NEB: variants seen among roughly 807,000 people sequenced by gnomAD.
NEB encodes the protein nebulin, also known as nemaline myopathy type 2.
NEB carries 512 observed loss-of-function variants against 952.2 expected under a neutral mutation model. The ratio of observed to expected loss-of-function variants is 0.54; its 90% CI spans 0.50 to 0.58. The LOEUF is 0.58. Ranked by LOEUF, NEB falls within the 20% of genes least tolerant of loss-of-function variation. The probability of loss-of-function intolerance (pLI) is 0.00; values close to 1 mark genes in which losing one functional copy is unlikely to be tolerated. For missense variants in NEB, 8,428 were observed against 9,231.1 expected, an observed-to-expected ratio of 0.91 and a Z score of 3.56; for synonymous variants, 2,900 against 3,149.8, an observed-to-expected ratio of 0.92 and a Z score of 2.66.
intron 9 of NEB, among the ~76,000 whole-genome samples, chr2:151,720,137 G>C (rs181338522): frequency 6.7e-6 from 1 of 149,686 alleles, no homozygotes; most frequent in Non-Finnish European, 1.5e-5. Flanking sequence ...TTTTAAAAAA[G>C]TAAAAAAAAA....
At chr2:151,674,897 C>G (rs940315078) in intron 35 of NEB, among the ~76,000 whole-genome samples, 4 of 152,184 alleles carry the variant, frequency 2.6e-5, no homozygotes, top group Admixed American at 1.3e-4. Context: ...GTTGTTCATT[C>G]TCATGAAAGG....
intron 70 of NEB, among the ~76,000 whole-genome samples, chr2:151,626,398 G>T (rs1160363698): frequency 1.3e-5 from 2 of 152,178 alleles, no homozygotes; most frequent in Non-Finnish European, 2.9e-5. Flanking sequence ...TTACAGGTGT[G>T]AGACACCATG....
At chr2:151,513,815 C>A in intron 159 of NEB, 122 bp from the exon 160 acceptor site, 1 of 702,426 alleles carries the variant, frequency 1.4e-6, no homozygotes, top group Admixed American at 2.4e-5. Flanking sequence ...GTGTCGCTTG[C>A]TACTCTTCAC....
At chr2:151,618,128 CTAAG>C (rs1447852471) in intron 74 of NEB, 143 bp downstream of exon 74, 1 of 724,360 alleles carries the variant, frequency 1.4e-6, no homozygotes, top group Non-Finnish European at 2.3e-6. Flanking sequence ...TGAAGTATCA[CTAAG>C]TAACTATGGT....
At position 151,682,661 on chromosome 2, in the gene NEB, C is replaced by T. The variant is rs113091511; in HGVS notation, c.2943+1G>A. The T allele has an allele frequency of 1.4e-5, 22 of 1,609,186 alleles. No homozygotes were observed. The highest frequency in any genetic ancestry group is 2.7e-5 in the African/African-American group (2 of 74,806). ...CCCTCTGACACACCCAGTGGCTTTA[C>T]CTCATTGAGGATGTCTGAAGCTCGC... On this transcript the variant is annotated splice_donor_variant, in intron 29 of 181. Transcript: ENST00000397345. LOFTEE classifies it high-confidence loss of function.
intron 169 of NEB, 33 bp downstream of exon 169, chr2:151,499,265 A>AAAT: frequency 9.0e-7 from 1 of 1,117,130 alleles, no homozygotes; most frequent in Non-Finnish European, 1.3e-6. Context: ...ACATTTTTTT[A>AAAT]AATAATTAAA....
intron 153 of NEB, among the ~76,000 whole-genome samples, chr2:151,521,389 G>C (rs1244739543): frequency 6.6e-6 from 1 of 152,126 alleles, no homozygotes; most frequent in Non-Finnish European, 1.5e-5. Flanking sequence ...GCTCTTCTCT[G>C]AAAAAGTTTC....
intron 142 of NEB, chr2:151,534,161 G>A (rs906101079): frequency 7.0e-6 from 9 of 1,291,672 alleles, no homozygotes; most frequent in African/African-American, 1.5e-5. Context: ...GACATCTCAT[G>A]AGAAACTGGG....
intron 60 of NEB, among the ~76,000 whole-genome samples, chr2:151,641,642 T>C (rs2098849450): frequency 6.6e-6 from 1 of 152,210 alleles, no homozygotes; most frequent in Non-Finnish European, 1.5e-5. Flanking sequence ...ATACACATGA[T>C]TTTTAATGAC....
chr2:151,644,227 A>C, intron 56 of NEB, 98 bp from the exon 57 acceptor site: 2 of 1,462,078 alleles, frequency 1.4e-6, no homozygotes, highest in Non-Finnish European at 1.9e-6. Flanking sequence ...TATTTTACTA[A>C]GCCTAGAGAG....
At chr2:151,666,844 G>T (rs1174112136) in intron 40 of NEB, among the ~76,000 whole-genome samples, 3 of 152,000 alleles carry the variant, frequency 2.0e-5, no homozygotes, top group Non-Finnish European at 4.4e-5. Flanking sequence ...TTAGACGTGT[G>T]AGCCACCATG....
chr2:151,684,083 CT>C (rs2099461824), intron 28 of NEB, among the ~76,000 whole-genome samples: 1 of 152,084 alleles, frequency 6.6e-6, no homozygotes, highest in Admixed American at 6.6e-5. Flanking sequence ...ATGGGAGTTG[CT>C]GTTTAATGAA....
At chr2:151,628,778 CTT>C (rs1444742139) in intron 68 of NEB, among the ~76,000 whole-genome samples, 1 of 152,156 alleles carries the variant, frequency 6.6e-6, no homozygotes, top group East Asian at 1.9e-4. Context: ...AGGAGAATCA[CTT>C]GAACCCGGGA....
At chr2:151,610,417 G>A in intron 80 of NEB, 99 bp downstream of exon 80, 1 of 872,672 alleles carries the variant, frequency 1.1e-6, no homozygotes, top group Non-Finnish European at 1.9e-6. Context: ...GGACTGGAAG[G>A]TACATGTGGA....
At position 151,677,566 on chromosome 2, in the gene NEB, T is replaced by C. The variant is rs370284834; in HGVS notation, c.3773A>G (p.Asp1258Gly). ...QAKQNTKQVS[D>G]ILYKAKGEDV... is the part of the protein sequence containing the mutation. ...TCCTCTCTATTTTATTGTACTCACA[T>C]CACTGACTTGCTTCGTGTTCTGTTT... The change falls in exon 34 of 182, where the codon GAT becomes GGT. Residue 1258 changes from aspartate (D) to glycine (G), a missense_variant and splice_region_variant. Transcript: ENST00000397345. 6.2e-7 allele frequency: 1 copy of C among 1,612,334 alleles called. No homozygotes were observed. Among genetic ancestry groups the C allele is most frequent in the Non-Finnish European group, 8.5e-7 (1 of 1,178,530 alleles).
chr2:151,569,428 G>T, intron 109 of NEB, 56 bp from the exon 110 acceptor site: 8 of 1,307,746 alleles, frequency 6.1e-6, no homozygotes, highest in Non-Finnish European at 8.9e-6. Context: ...GTCCTAGTTA[G>T]CCTATCCATT....
intron 17 of NEB, 92 bp from the exon 18 acceptor site, chr2:151,695,774 T>A: frequency 2.1e-6 from 2 of 936,500 alleles, no homozygotes; most frequent in South Asian, 2.9e-5. Context: ...AGTGACAGCA[T>A]TATTGAGATC....
At chr2:151,640,729 C>A in intron 60 of NEB, 63 bp from the exon 61 acceptor site, 2 of 1,504,234 alleles carry the variant, frequency 1.3e-6, no homozygotes, top group East Asian at 2.3e-5. Context: ...AATCACTAAG[C>A]CTAACTTGCT....
At chr2:151,494,350 GC>G in intron 173 of NEB, 97 bp from the exon 174 acceptor site, 1 of 818,726 alleles carries the variant, frequency 1.2e-6, no homozygotes, top group Non-Finnish European at 2.0e-6. Context: ...TATCTTTAGG[GC>G]CCCAAACCAT....
Sources: allele counts gnomAD v4.1 joint callset (sites outside exome capture counted in the v4.1 genomes callset), GRCh38; gene constraint gnomAD v4.1.1; transcripts MANE v1.5; gene names NCBI Gene and HGNC (gene_info 2026-07-23, HGNC 2026-07-21).